Variants in C8orf74 observed in about 807,000 individuals in gnomAD.
C8orf74 encodes chromosome 8 open reading frame 74.
C8orf74 carries 29 observed loss-of-function variants against 22.2 expected under a neutral mutation model. The ratio of observed to expected loss-of-function variants is 1.31; its 90% CI spans 0.97 to 1.78. C8orf74 has a LOEUF of 1.78. Among genes scored for constraint, C8orf74 ranks in the 40% most tolerant of loss-of-function variants. The pLI is 0.00. For missense variants in C8orf74, 515 were observed against 369.9 expected (o/e 1.39, Z -3.22); for synonymous variants, 255 against 163.1 (o/e 1.56, Z -4.30).
chr8:10,686,951 C>A (rs1231915155), intron 2 of C8orf74: 3 of 363,166 alleles, frequency 8.3e-6, no homozygotes, highest in South Asian at 4.0e-5. Flanking sequence ...TTGGGTGGGG[C>A]CCCGTGCCCG....
chr8:10,699,050 C>T (rs530254800), intron 3 of C8orf74, among the ~76,000 whole-genome samples: 5 of 152,156 alleles, frequency 3.3e-5, no homozygotes, highest in African/African-American at 7.2e-5. Context: ...TCTTAGTTCA[C>T]GAAGACATTC....
Position 10,672,733 on chromosome 8 carries a change from G to A in C8orf74, c.48+20G>A. ...CTTCAGGTGAAGGAAGAGAAAATGT[G>A]GCTTTTAAACAGAAACTGGCTCATC... On this transcript the variant is annotated intron_variant, in intron 1 of 3. Coordinates refer to ENST00000304519, the MANE Select transcript of C8orf74 (RefSeq NM_001040032.2). 1 of 1,552,836 alleles carries A rather than the reference G, an allele frequency of 6.4e-7. No individual in the cohort carries two copies. The highest frequency in any genetic ancestry group is 8.7e-7 in the Non-Finnish European group (1 of 1,146,994).
intron 2 of C8orf74, among the ~76,000 whole-genome samples, chr8:10,685,081 A>G (rs921450596): frequency 7.2e-5 from 11 of 152,228 alleles, no homozygotes; most frequent in Non-Finnish European, 5.9e-5. Flanking sequence ...AAACTTATGA[A>G]CTATTTATTT....
chr8:10,690,702 G>T (rs1456019521), intron 2 of C8orf74, among the ~76,000 whole-genome samples: 1 of 152,102 alleles, frequency 6.6e-6, no homozygotes, highest in Admixed American at 6.5e-5. Flanking sequence ...GGCTCGCCCA[G>T]CCCAGACTCC....
intron 2 of C8orf74, among the ~76,000 whole-genome samples, chr8:10,693,425 A>G (rs756573098): frequency 8.6e-5 from 13 of 151,996 alleles, no homozygotes; most frequent in Non-Finnish European, 1.6e-4. Context: ...CCACTCCTCA[A>G]CCACCTCCCT....
chr8:10,686,952 C>T (rs559938502), intron 2 of C8orf74: 2 of 363,140 alleles, frequency 5.5e-6, no homozygotes, highest in South Asian at 2.0e-5. Context: ...TGGGTGGGGC[C>T]CCGTGCCCGC....
chr8:10,672,629 G>T lies in C8orf74; in HGVS notation c.-37G>T, dbSNP rs1475828564. The T allele has an allele frequency of 3.7e-5, 57 of 1,554,006 alleles. No individual in the cohort carries two copies. Among genetic ancestry groups the T allele is most frequent in the East Asian group, 9.7e-5 (4 of 41,196 alleles). Reference sequence around the variant, plus strand: ...CCAGGGTTCCGGAAACTCTGAGTCAGTCTGGCTCCGTCTCCTGGCAACCAG... The same window carrying T: ...CCAGGGTTCCGGAAACTCTGAGTCATTCTGGCTCCGTCTCCTGGCAACCAG... On this transcript the variant is annotated 5_prime_UTR_variant, in exon 1 of 4. Transcript: ENST00000304519.
At chr8:10,692,363 G>C (rs1052068778) in intron 2 of C8orf74, 1 of 152,542 alleles carries the variant, frequency 6.6e-6, no homozygotes, top group Non-Finnish European at 1.5e-5. Context: ...ACCTGGCTCC[G>C]CTCACCCCCT....
chr8:10,699,213 G>A lies in C8orf74; in HGVS notation c.649-1022G>A, dbSNP rs11985379. ...TGTTCCTGCCTGCTCCTCCCAGCTC[G>A]CCGCCCAGCCTCCAGCATGGCACTG... On this transcript the variant is annotated intron_variant, in intron 3 of 3. Transcript: ENST00000304519. Among the ~76,000 whole-genome samples the A allele has an allele frequency of 4.9e-3, 752 of 152,246 alleles. 6 individuals are homozygous for A. Among genetic ancestry groups the A allele is most frequent in the African/African-American group, 0.017 (717 of 41,558 alleles).
chr8:10,695,318 C>G (rs577145566), intron 2 of C8orf74, among the ~76,000 whole-genome samples: 1 of 152,244 alleles, frequency 6.6e-6, no homozygotes, highest in East Asian at 1.9e-4. Flanking sequence ...TCTCAGACCT[C>G]CAAACCCAGT....
In C8orf74 at chr8:10,674,714, C is replaced by T; in HGVS notation, c.117C>T (p.Ser39=). The T allele has an allele frequency of 6.2e-7, 1 of 1,608,900 alleles. No individual in the cohort carries two copies. ...NWEEFDEQRD[S]RRSILLDTLY... ...AGGAGTTTGACGAACAGAGAGACTC[C>T]CGGAGGAGCATCCTGCTGGACACCC... The change falls in exon 2 of 4, where the codon TCC becomes TCT. Residue 39 remains serine, a synonymous_variant. Transcript: ENST00000304519.
rs569344276 is a variant in C8orf74 at position 10,695,461 on chromosome 8, G to C, written c.242-2138G>C. On this transcript the variant is annotated intron_variant, in intron 2 of 3. Transcript: ENST00000304519. Reference sequence around the variant, plus strand: ...CTCCTTCCCTCCCCCTGGAGGCTGAGATTGCCAGAATCCAGGCGTCACTCC... The same window carrying C: ...CTCCTTCCCTCCCCCTGGAGGCTGACATTGCCAGAATCCAGGCGTCACTCC... 2.0e-5 allele frequency among the ~76,000 whole-genome samples: 3 copies of C among 152,308 alleles called. No individual in the cohort carries two copies. In the South Asian group the frequency reaches 6.2e-4, roughly 32 times the overall value.
intron 2 of C8orf74, among the ~76,000 whole-genome samples, chr8:10,694,851 A>AATGG (rs1343529493): frequency 6.6e-6 from 1 of 151,980 alleles, no homozygotes; most frequent in Non-Finnish European, 1.5e-5. Context: ...CGGGTGGAAA[A>AATGG]ATGGATGGAT....
Position 10,674,686 on chromosome 8 carries a change from G to A in C8orf74, c.89G>A (p.Trp30Ter). 6.2e-7 allele frequency: 1 copy of A among 1,610,554 alleles called. No individual in the cohort carries two copies. The highest frequency in any genetic ancestry group is 1.1e-5 in the South Asian group (1 of 90,098). ...GAGCGCCTGCGGAGGCTTCTGAACT[G>A]GGAGGAGTTTGACGAACAGAGAGAC... ...GRERLRRLLNWEEFDEQRDSR... is the reference protein window; with the variant it reads ...GRERLRRLLN The change falls in exon 2 of 4, where the codon TGG (tryptophan) becomes TAG (stop). Residue 30 changes from tryptophan (W) to a stop codon, truncating the protein, a stop_gained. Coordinates refer to ENST00000304519, the MANE Select transcript of C8orf74 (RefSeq NM_001040032.2). LOFTEE classifies it high-confidence loss of function.
intron 2 of C8orf74, among the ~76,000 whole-genome samples, chr8:10,675,193 C>G (rs192927917): frequency 5.9e-4 from 90 of 152,338 alleles, no homozygotes; most frequent in Middle Eastern, 3.4e-3. Flanking sequence ...AAGGGCTGCA[C>G]GTTGTTCCTG....
Position 10,697,677 on chromosome 8 carries a change from T to G in C8orf74, c.320T>G (p.Leu107Arg). The G allele has an allele frequency of 1.2e-6, 2 of 1,614,004 alleles. No individual in the cohort carries two copies. Among genetic ancestry groups the G allele is most frequent in the Non-Finnish European group, 1.7e-6 (2 of 1,179,872 alleles). The change falls in exon 3 of 4, where the codon CTG (leucine) becomes CGG (arginine). Residue 107 changes from leucine to arginine, a missense_variant. Transcript: ENST00000304519. ...CGGGGCCATTTCAACACCACCCACC[T>G]GCTGGCCCTCTGTGACTACTTCCAC... is the stretch of plus-strand genomic sequence containing the variant. ...DYRGHFNTTH[L>R]LALCDYFHHT...
chr8:10,691,690 G>A (rs915321842), intron 2 of C8orf74: 3 of 152,484 alleles, frequency 2.0e-5, no homozygotes, highest in African/African-American at 4.8e-5. Flanking sequence ...ACTTCCCTCT[G>A]GGATGGCCCC....
intron 2 of C8orf74, among the ~76,000 whole-genome samples, chr8:10,675,103 T>C (rs926649050): frequency 1.1e-4 from 16 of 152,204 alleles, no homozygotes; most frequent in Non-Finnish European, 2.2e-4. Context: ...GGTGTTTGCT[T>C]TTGTTTTGTT....
Position 10,699,230 on chromosome 8 carries a change from A to G in C8orf74, c.649-1005A>G, listed in dbSNP as rs1187202484. Among the ~76,000 whole-genome samples the G allele has an allele frequency of 2.0e-5, 3 of 152,308 alleles. No individual in the cohort carries two copies. In the East Asian group the frequency reaches 5.8e-4, roughly 29 times the overall value. On this transcript the variant is annotated intron_variant, in intron 3 of 3. Transcript: ENST00000304519. ...CCCAGCTCGCCGCCCAGCCTCCAGC[A>G]TGGCACTGCTGGCCCCTGCCTGGTG...
Sources: gnomAD v4.1 joint callset for allele counts (sites outside exome capture counted in the v4.1 genomes callset) on GRCh38, gnomAD v4.1.1 for gene constraint, MANE v1.5 for transcripts, NCBI Gene and HGNC (gene_info 2026-07-23, HGNC 2026-07-21) for gene names.